The following CRTC3 variants were observed in gnomAD, a reference collection of about 807,000 sequenced individuals.
The protein encoded by CRTC3 is CREB-regulated transcription coactivator 3.
CRTC3 carries 26 observed loss-of-function variants against 74.5 expected under a neutral mutation model. The observed-to-expected ratio is 0.35, with a 90% CI of 0.26 to 0.48. CRTC3 has a LOEUF of 0.48. Ranked by LOEUF, CRTC3 falls within the 20% of genes least tolerant of loss-of-function variation. CRTC3 has a pLI of 0.99. For synonymous variants in CRTC3, 377 were observed against 325.8 expected (o/e 1.16, Z -1.69); for missense variants, 760 against 787.3 (o/e 0.97, Z 0.41).
chr15:90,609,286 T>A (rs1968302765), intron 6 of CRTC3, among the ~76,000 whole-genome samples: 1 of 152,142 alleles, frequency 6.6e-6, no homozygotes, highest in African/African-American at 2.4e-5. Context: ...GAAATTGATG[T>A]TGGAATTGGA....
At chr15:90,564,687 G>A (rs950590001) in intron 2 of CRTC3, among the ~76,000 whole-genome samples, 3 of 152,078 alleles carry the variant, frequency 2.0e-5, no homozygotes, top group Non-Finnish European at 4.4e-5. Flanking sequence ...CTGACCCTTC[G>A]AATTTGCCAT....
At chr15:90,634,032 A>G (rs574644276) in intron 11 of CRTC3, among the ~76,000 whole-genome samples, 3 of 151,588 alleles carry the variant, frequency 2.0e-5, no homozygotes, top group African/African-American at 7.3e-5. Flanking sequence ...TTTATTTTCT[A>G]TAATAGAATT....
chr15:90,608,290 T>G (rs904688148), intron 6 of CRTC3, among the ~76,000 whole-genome samples: 1 of 152,144 alleles, frequency 6.6e-6, no homozygotes, highest in African/African-American at 2.4e-5. Flanking sequence ...CCCCTCACCT[T>G]CAGGAGAAAG....
At chr15:90,557,168 G>A (rs1475043886) in intron 2 of CRTC3, among the ~76,000 whole-genome samples, 1 of 151,942 alleles carries the variant, frequency 6.6e-6, no homozygotes, top group Non-Finnish European at 1.5e-5. Flanking sequence ...TCAGTGTCTG[G>A]GAGTCTGAGA....
chr15:90,590,611 C>T (rs1311633360), intron 2 of CRTC3, among the ~76,000 whole-genome samples: 1 of 152,124 alleles, frequency 6.6e-6, no homozygotes, highest in African/African-American at 2.4e-5. Flanking sequence ...CCACCTGCCT[C>T]GGCCTCCCAA....
chr15:90,577,887 A>C (rs543065153), intron 2 of CRTC3, among the ~76,000 whole-genome samples: 2 of 152,258 alleles, frequency 1.3e-5, no homozygotes, highest in Non-Finnish European at 1.5e-5. Context: ...AGGGGGATGA[A>C]GGAAGAAAAG....
intron 9 of CRTC3, among the ~76,000 whole-genome samples, chr15:90,623,142 C>T (rs1323747089): frequency 6.6e-6 from 1 of 152,160 alleles, no homozygotes; most frequent in African/African-American, 2.4e-5. Flanking sequence ...CCCTGGCCCT[C>T]CTCCCGCTGG....
chr15:90,643,329 G>A lies in CRTC3; in HGVS notation c.*1189G>A, dbSNP rs1969517214. 8.7e-6 allele frequency: 2 copies of A among 230,588 alleles called. No homozygotes were observed. Among genetic ancestry groups the A allele is most frequent in the Non-Finnish European group, 1.7e-5 (2 of 116,378 alleles). 14.3% of individuals were successfully genotyped at this position (230,588 alleles called of 1,614,324 possible). ...TTCTAGCACTCGTGCCTATGGTGAA[G>A]CATGCACTTTAATATGCTTTTAACA... On this transcript the variant is annotated 3_prime_UTR_variant, in exon 15 of 15. Coordinates refer to ENST00000268184, the MANE Select transcript of CRTC3 (RefSeq NM_022769.5).
chr15:90,615,193 G>A (rs2151086887), intron 7 of CRTC3, among the ~76,000 whole-genome samples: 1 of 152,266 alleles, frequency 6.6e-6, no homozygotes. Flanking sequence ...AATTGGTTAT[G>A]AAATGAAAAT....
chr15:90,613,185 G>GAAA (rs34111646), intron 6 of CRTC3, among the ~76,000 whole-genome samples: 2 of 114,188 alleles, frequency 1.8e-5, no homozygotes, highest in Non-Finnish European at 3.5e-5. Flanking sequence ...TCTGTCTCGG[G>GAAA]AAAAAAAAAA....
chr15:90,636,170 C>T (rs533297094), intron 11 of CRTC3, among the ~76,000 whole-genome samples: 14 of 150,956 alleles, frequency 9.3e-5, no homozygotes, highest in African/African-American at 3.1e-4. Context: ...TACAAGGCTA[C>T]AGTAACCAAA....
At chr15:90,544,441 G>A (rs1416253974) in intron 2 of CRTC3, among the ~76,000 whole-genome samples, 1 of 152,094 alleles carries the variant, frequency 6.6e-6, no homozygotes, top group Non-Finnish European at 1.5e-5. Context: ...ATCTCTTTTG[G>A]TGGCCATAAT....
chr15:90,609,748 G>C (rs1968314852), intron 6 of CRTC3, among the ~76,000 whole-genome samples: 1 of 152,224 alleles, frequency 6.6e-6, no homozygotes, highest in Non-Finnish European at 1.5e-5. Context: ...GGGTAAGTGA[G>C]GATGGAATAA....
intron 2 of CRTC3, among the ~76,000 whole-genome samples, chr15:90,578,384 T>C (rs1278262728): frequency 6.6e-6 from 1 of 151,934 alleles, no homozygotes; most frequent in Non-Finnish European, 1.5e-5. Flanking sequence ...CCGTCTCTAC[T>C]AAAAATACAA....
chr15:90,564,606 G>C (rs1967083123), intron 2 of CRTC3, among the ~76,000 whole-genome samples: 2 of 152,094 alleles, frequency 1.3e-5, no homozygotes, highest in South Asian at 4.2e-4. Context: ...CTTCTCATCT[G>C]CTTTTACTAC....
rs2151097472 is a variant in CRTC3 at position 90,637,944 on chromosome 15, C to T, written c.1267-502C>T. 2 of 153,596 alleles carry T rather than the reference C, an allele frequency of 1.3e-5. 1 individual carries two copies. Among genetic ancestry groups the T allele is most frequent in the South Asian group, 4.1e-4 (2 of 4,920 alleles). The allele number at this position is 153,596 out of a possible 1,614,324, so 9.5% of individuals were successfully genotyped here. ...GGGCCATCTGCTGCTCATTTTCCAG[C>T]TTTTGTTGCCATTTTCTTCTCTCCC... On this transcript the variant is annotated intron_variant, in intron 11 of 14. Transcript: ENST00000268184.
At chr15:90,560,313 C>T (rs28734905) in intron 2 of CRTC3, among the ~76,000 whole-genome samples, 1 of 152,158 alleles carries the variant, frequency 6.6e-6, no homozygotes, top group Non-Finnish European at 1.5e-5. Context: ...ATCCTTGGTT[C>T]TACCAGATTC....
intron 3 of CRTC3, chr15:90,598,350 T>C (rs777071700): frequency 8.7e-6 from 6 of 689,964 alleles, no homozygotes; most frequent in African/African-American, 1.8e-5. Flanking sequence ...CCCCACCCAC[T>C]GGTAAACTGG....
chr15:90,615,078 A>AT (rs879519222), intron 7 of CRTC3, among the ~76,000 whole-genome samples: 244 of 152,172 alleles, frequency 1.6e-3, no homozygotes, highest in African/African-American at 5.5e-3. Flanking sequence ...AAATAAATAA[A>AT]TAAATAAATA....
Sources: gnomAD v4.1 joint callset for allele counts (sites outside exome capture counted in the v4.1 genomes callset) on GRCh38, gnomAD v4.1.1 for gene constraint, MANE v1.5 for transcripts, NCBI Gene and HGNC (gene_info 2026-07-23, HGNC 2026-07-21) for gene names.